Variants in CNTNAP2 observed in about 807,000 individuals in gnomAD.
The protein encoded by CNTNAP2 is contactin-associated protein-like 2.
A neutral mutation model predicts 155.2 loss-of-function variants in CNTNAP2; 98 were observed. The observed-to-expected ratio is 0.63, with a 90% confidence interval of 0.54 to 0.75. The LOEUF (loss-of-function observed/expected upper bound fraction) is 0.75, where lower values mean the gene tolerates loss of function less well. CNTNAP2 is among the 30% of genes least tolerant of loss of function. CNTNAP2 has a pLI of 0.00. For synonymous variants in CNTNAP2, 651 were observed against 631.2 expected, an observed-to-expected ratio of 1.03 and a Z score of -0.47; for missense variants, 1,727 against 1,688.1, an observed-to-expected ratio of 1.02 and a Z score of -0.40.
At chr7:146,596,200 A>G (rs1373461538) in intron 1 of CNTNAP2, among the ~76,000 whole-genome samples, 1 of 151,998 alleles carries the variant, frequency 6.6e-6, no homozygotes, top group African/African-American at 2.4e-5. Flanking sequence ...TCACTGTTAC[A>G]TTCAGTAAAT....
chr7:146,918,041 T>C (rs1796429411), intron 3 of CNTNAP2, among the ~76,000 whole-genome samples: 1 of 152,172 alleles, frequency 6.6e-6, no homozygotes, highest in African/African-American at 2.4e-5. Context: ...AAATACCTTT[T>C]TCCACCCCTT....
chr7:146,121,570 G>T (rs1446811285), intron 1 of CNTNAP2, among the ~76,000 whole-genome samples: 3 of 152,064 alleles, frequency 2.0e-5, no homozygotes, highest in African/African-American at 7.2e-5. Context: ...CCCATCTCTA[G>T]TCCTGATTTG....
chr7:147,089,558 A>C (rs1387866509), intron 4 of CNTNAP2, among the ~76,000 whole-genome samples: 1 of 152,182 alleles, frequency 6.6e-6, no homozygotes, highest in African/African-American at 2.4e-5. Context: ...TTTGAACTCC[A>C]GAGTCTCATC....
intron 16 of CNTNAP2, among the ~76,000 whole-genome samples, chr7:148,131,440 C>T (rs983592315): frequency 5.9e-5 from 9 of 152,080 alleles, no homozygotes; most frequent in African/African-American, 1.9e-4. Context: ...TTCATGAAAC[C>T]TTTCCCTTCT....
At chr7:146,597,598 C>A (rs1467848538) in intron 1 of CNTNAP2, among the ~76,000 whole-genome samples, 2 of 151,876 alleles carry the variant, frequency 1.3e-5, no homozygotes, top group East Asian at 3.9e-4. Context: ...CTTCCCAGAA[C>A]CTTAGTTATA....
At chr7:147,176,973 A>G (rs911475398) in intron 8 of CNTNAP2, among the ~76,000 whole-genome samples, 1 of 139,240 alleles carries the variant, frequency 7.2e-6, no homozygotes, top group Admixed American at 7.6e-5. Context: ...AATTCTATAT[A>G]TAAAATTATA....
chr7:147,878,042 G>A (rs183187393), intron 13 of CNTNAP2, among the ~76,000 whole-genome samples: 30 of 152,226 alleles, frequency 2.0e-4, no homozygotes, highest in African/African-American at 6.3e-4. Context: ...TTGGTAGGGC[G>A]AAACTGAGTA....
chr7:146,389,031 G>C (rs1262879260), intron 1 of CNTNAP2, among the ~76,000 whole-genome samples: 2 of 152,100 alleles, frequency 1.3e-5, no homozygotes, highest in African/African-American at 2.4e-5. Flanking sequence ...AATAGCACAA[G>C]TGTTGAAAGG....
chr7:146,733,589 T>G (rs200318405), intron 1 of CNTNAP2, among the ~76,000 whole-genome samples: 22 of 152,250 alleles, frequency 1.4e-4, no homozygotes, highest in African/African-American at 5.3e-4. Flanking sequence ...GACATTTACT[T>G]AGTTTGACTA....
intron 2 of CNTNAP2, among the ~76,000 whole-genome samples, chr7:146,814,803 G>T (rs776024529): frequency 5.9e-5 from 9 of 152,060 alleles, no homozygotes; most frequent in Non-Finnish European, 1.0e-4. Flanking sequence ...TGCAATATCC[G>T]CTTCAAGACA....
intron 1 of CNTNAP2, among the ~76,000 whole-genome samples, chr7:146,750,176 C>G (rs1317115328): frequency 6.6e-5 from 10 of 152,116 alleles, no homozygotes; most frequent in Non-Finnish European, 2.9e-5. Context: ...AACTCATATT[C>G]TTACCACATC....
intron 12 of CNTNAP2, among the ~76,000 whole-genome samples, chr7:147,629,742 A>G (rs1795050494): frequency 6.6e-6 from 1 of 152,140 alleles, no homozygotes; most frequent in Non-Finnish European, 1.5e-5. Flanking sequence ...TGAGTCAACA[A>G]TGAAATAAAG....
At chr7:146,352,748 C>CTTTTTTTTTTTTTTTTTTTT (rs1201897985) in intron 1 of CNTNAP2, among the ~76,000 whole-genome samples, 1 of 66,214 alleles carries the variant, frequency 1.5e-5, no homozygotes, top group African/African-American at 9.5e-5. Context: ...TAGCATAATT[C>CTTTTTTTTTTTTTTTTTTTT]TGTTTTTTTT....
chr7:146,688,807 G>C (rs527623763), intron 1 of CNTNAP2, among the ~76,000 whole-genome samples: 2 of 152,192 alleles, frequency 1.3e-5, no homozygotes, highest in East Asian at 3.9e-4. Flanking sequence ...TAAAAACAAA[G>C]ACTATTAATG....
intron 13 of CNTNAP2, among the ~76,000 whole-genome samples, chr7:147,773,307 A>G (rs1419525396): frequency 1.3e-5 from 2 of 152,176 alleles, no homozygotes; most frequent in Admixed American, 1.3e-4. Context: ...AGAAAAGGAT[A>G]GAAGTCTTGT....
At chr7:146,257,626 A>C (rs1409862700) in intron 1 of CNTNAP2, among the ~76,000 whole-genome samples, 1 of 152,218 alleles carries the variant, frequency 6.6e-6, no homozygotes, top group East Asian at 1.9e-4. Flanking sequence ...TGAACATGGA[A>C]GCCCTGGCCC....
intron 3 of CNTNAP2, among the ~76,000 whole-genome samples, chr7:147,033,172 A>ATATATATATATG (rs1216304674): frequency 3.7e-3 from 173 of 46,582 alleles, no homozygotes; most frequent in African/African-American, 0.013. Context: ...ATATATATAT[A>ATATATATATATG]TATATATATA....
chr7:147,148,181 G>A (rs1400742953), intron 8 of CNTNAP2, among the ~76,000 whole-genome samples: 2 of 151,866 alleles, frequency 1.3e-5, no homozygotes, highest in Non-Finnish European at 2.9e-5. Flanking sequence ...ATGAGGTCAG[G>A]AGATCGAGAC....
intron 1 of CNTNAP2, among the ~76,000 whole-genome samples, chr7:146,773,335 C>A (rs1802329936): frequency 6.6e-6 from 1 of 152,168 alleles, no homozygotes; most frequent in Admixed American, 6.5e-5. Context: ...ATTAATTTTT[C>A]TGTCAGTAAT....
Sources: allele counts gnomAD v4.1 joint callset (sites outside exome capture counted in the v4.1 genomes callset), GRCh38; gene constraint gnomAD v4.1.1; transcripts MANE v1.5; gene names NCBI Gene and HGNC (gene_info 2026-07-23, HGNC 2026-07-21).